The following CSMD3 variants were observed in gnomAD, a reference collection of about 807,000 sequenced individuals.
CSMD3 encodes the protein CUB and Sushi multiple domains 3, also known as CUB and sushi domain-containing protein 3.
A neutral mutation model predicts 435.2 loss-of-function variants in CSMD3; 177 were observed. The observed-to-expected ratio is 0.41, with a 90% CI of 0.36 to 0.46. The LOEUF is 0.46. Among genes scored for constraint, CSMD3 ranks in the 20% least tolerant of loss-of-function variants. The pLI is 0.34. For missense variants in CSMD3, 4,265 were observed against 4,504.6 expected, an observed-to-expected ratio of 0.95 and a Z score of 1.52; for synonymous variants, 1,656 against 1,520.5, an observed-to-expected ratio of 1.09 and a Z score of -2.07.
intron 1 of CSMD3, among the ~76,000 whole-genome samples, chr8:113,347,351 C>T (rs1198937162): frequency 1.3e-5 from 2 of 152,126 alleles, no homozygotes; most frequent in African/African-American, 4.8e-5. Context: ...TCCTTCCACA[C>T]CTCCCTGGCT....
At position 112,370,023 on chromosome 8, in the gene CSMD3, GGAAGAAGAAGAAGAAGAAGAA is replaced by G. The variant is rs71309767; in HGVS notation, c.6136+10308_6136+10328del. Reference sequence around the variant, plus strand: ...AAGAAGAGGAAGAGGAAGAAGAAGAGGAAGAAGAAGAAGAAGAAGAAGAAGAAGAAGAAGAAGAAGAAGAAG... The same window carrying G: ...AAGAAGAGGAAGAGGAAGAAGAAGAGGAAGAAGAAGAAGAAGAAGAAGAAG... On this transcript the variant is annotated intron_variant, in intron 38 of 70. Transcript: ENST00000297405. Among the ~76,000 whole-genome samples, 211 of 66,596 alleles carry G rather than the reference GGAAGAAGAAGAAGAAGAAGAA, an allele frequency of 3.2e-3. 2 individuals are homozygous for G. Among genetic ancestry groups the G allele is most frequent in the Admixed American group, 9.5e-3 (56 of 5,894 alleles). The allele number at this position is 66,596 out of a possible 152,430, so 43.7% of individuals were successfully genotyped here.
At chr8:113,089,944 T>C (rs959012302) in intron 5 of CSMD3, among the ~76,000 whole-genome samples, 2 of 152,118 alleles carry the variant, frequency 1.3e-5, no homozygotes, top group African/African-American at 4.8e-5. Flanking sequence ...GACTAACCAT[T>C]ATCCCGTTTT....
At chr8:112,370,082 A>AAGAAGAAGAAGAAGAAGTAGTAGT (rs1285510394) in intron 38 of CSMD3, among the ~76,000 whole-genome samples, 1 of 103,454 alleles carries the variant, frequency 9.7e-6, no homozygotes, top group African/African-American at 3.7e-5. Context: ...GAAGAAGAAG[A>AAGAAGAAGAAGAAGAAGTAGTAGT]AGTAGTAGTA....
chr8:112,394,856 T>C (rs886362596), intron 35 of CSMD3, among the ~76,000 whole-genome samples: 2 of 152,218 alleles, frequency 1.3e-5, no homozygotes, highest in African/African-American at 4.8e-5. Flanking sequence ...TATTCAAAAC[T>C]ATGTCACCAG....
intron 27 of CSMD3, among the ~76,000 whole-genome samples, chr8:112,549,121 T>C (rs976544521): frequency 6.6e-6 from 1 of 152,058 alleles, no homozygotes; most frequent in Non-Finnish European, 1.5e-5. Context: ...GATATTTAAT[T>C]GCAATAACAA....
At chr8:113,338,004 A>G (rs2094089882) in intron 1 of CSMD3, among the ~76,000 whole-genome samples, 1 of 151,988 alleles carries the variant, frequency 6.6e-6, no homozygotes, top group South Asian at 2.1e-4. Flanking sequence ...GAAATAACCC[A>G]CAGAATGGGA....
intron 1 of CSMD3, among the ~76,000 whole-genome samples, chr8:113,378,337 G>A (rs72670797): frequency 0.045 from 6,773 of 152,164 alleles, 214 homozygotes; most frequent in South Asian, 0.12. Flanking sequence ...CTGAATATAC[G>A]ATAATGAAAC....
intron 11 of CSMD3, among the ~76,000 whole-genome samples, chr8:112,834,236 T>G (rs1407225880): frequency 6.6e-6 from 1 of 151,976 alleles, no homozygotes; most frequent in Non-Finnish European, 1.5e-5. Flanking sequence ...TTCACTGAAT[T>G]TTTAGACACT....
chr8:112,244,628 T>C, intron 64 of CSMD3, 55 bp from the exon 65 acceptor site: 1 of 1,417,032 alleles, frequency 7.1e-7, no homozygotes, highest in African/African-American at 1.4e-5. Context: ...TAAGAAAAAT[T>C]TGAGACAGGA....
chr8:112,370,237 TA>T (rs2131174643), intron 38 of CSMD3, among the ~76,000 whole-genome samples: 1 of 152,234 alleles, frequency 6.6e-6, no homozygotes, highest in South Asian at 2.1e-4. Context: ...ATTGAGGACA[TA>T]AAAACAGCAA....
Position 112,390,194 on chromosome 8 carries a change from G to A in CSMD3, c.5934+470C>T, listed in dbSNP as rs1263053511. Among the ~76,000 whole-genome samples the A allele has an allele frequency of 2.6e-5, 4 of 152,176 alleles. No individual in the cohort carries two copies. In the South Asian group the frequency reaches 8.3e-4, roughly 31 times the overall value. ...AGTCTGCTGGCAGGTTTCCTGAAAA[G>A]TTTTCTTAACCACTGAAATGGTACA... On this transcript the variant is annotated intron_variant, in intron 36 of 70. Coordinates refer to ENST00000297405, the MANE Select transcript of CSMD3 (RefSeq NM_198123.2).
intron 19 of CSMD3, among the ~76,000 whole-genome samples, chr8:112,647,286 T>G (rs1288696570): frequency 6.6e-6 from 1 of 151,262 alleles, no homozygotes; most frequent in African/African-American, 2.4e-5. Context: ...CATTTAATCC[T>G]GTCATTTTCA....
intron 4 of CSMD3, among the ~76,000 whole-genome samples, chr8:113,101,414 C>G (rs2090326274): frequency 6.6e-6 from 1 of 152,158 alleles, no homozygotes; most frequent in South Asian, 2.1e-4. Flanking sequence ...TTTCAAAATG[C>G]AGTCCTTTGG....
intron 1 of CSMD3, among the ~76,000 whole-genome samples, chr8:113,371,494 C>G (rs2133052512): frequency 6.6e-6 from 1 of 152,168 alleles, no homozygotes; most frequent in East Asian, 1.9e-4. Flanking sequence ...TTTGCTTGTT[C>G]TCTCAACTTT....
At chr8:112,498,406 T>C (rs1821591561) in intron 30 of CSMD3, among the ~76,000 whole-genome samples, 1 of 152,114 alleles carries the variant, frequency 6.6e-6, no homozygotes, top group South Asian at 2.1e-4. Flanking sequence ...TGAAATTGAT[T>C]AAGCTGGGGA....
intron 1 of CSMD3, among the ~76,000 whole-genome samples, chr8:113,330,063 C>T (rs2094015790): frequency 6.6e-6 from 1 of 152,020 alleles, no homozygotes; most frequent in Non-Finnish European, 1.5e-5. Flanking sequence ...TACATTTTAA[C>T]TGTTTTATTT....
chr8:112,564,124 T>A (rs549679863), intron 24 of CSMD3, among the ~76,000 whole-genome samples: 143 of 151,916 alleles, frequency 9.4e-4, no homozygotes, highest in Admixed American at 3.8e-3. Flanking sequence ...TTTTGGCCCA[T>A]GTTTTTGTTT....
intron 13 of CSMD3, among the ~76,000 whole-genome samples, chr8:112,741,352 A>G (rs1483982116): frequency 6.6e-6 from 1 of 152,038 alleles, no homozygotes; most frequent in Admixed American, 6.6e-5. Flanking sequence ...ATATGAAAAG[A>G]TACTCAGCAT....
chr8:113,233,593 A>C (rs1385795334), intron 3 of CSMD3, among the ~76,000 whole-genome samples: 1 of 151,610 alleles, frequency 6.6e-6, no homozygotes, highest in Non-Finnish European at 1.5e-5. Context: ...ATTAAATGTA[A>C]ACAGACTATA....
Sources: allele counts gnomAD v4.1 joint callset (sites outside exome capture counted in the v4.1 genomes callset), GRCh38; gene constraint gnomAD v4.1.1; transcripts MANE v1.5; gene names NCBI Gene and HGNC (gene_info 2026-07-23, HGNC 2026-07-21).